Variants in UNC5A observed in about 807,000 individuals in gnomAD.
The protein encoded by UNC5A is unc-5 netrin receptor A.
Under a neutral mutation model 87.4 loss-of-function variants are expected in UNC5A, and 20 were observed. The observed-to-expected ratio is 0.23, with a 90% CI of 0.16 to 0.33. The LOEUF is 0.33. Among genes scored for constraint, UNC5A ranks in the 10% least tolerant of loss-of-function variants. UNC5A has a pLI of 1.00. For missense variants in UNC5A, 844 were observed against 1,133.4 expected, an observed-to-expected ratio of 0.74 and a Z score of 3.67; for synonymous variants, 438 against 482.3, an observed-to-expected ratio of 0.91 and a Z score of 1.20.
At chr5:176,833,260 A>G (rs1463862197) in intron 1 of UNC5A, among the ~76,000 whole-genome samples, 1 of 152,148 alleles carries the variant, frequency 6.6e-6, no homozygotes, top group Non-Finnish European at 1.5e-5. Context: ...CTAGGTAGTG[A>G]GGACAGTGCC....
At chr5:176,834,035 C>T (rs1423994416) in intron 1 of UNC5A, among the ~76,000 whole-genome samples, 1 of 152,286 alleles carries the variant, frequency 6.6e-6, no homozygotes, top group East Asian at 1.9e-4. Context: ...TCTCATTCAT[C>T]AACTTAGGTC....
intron 1 of UNC5A, among the ~76,000 whole-genome samples, chr5:176,833,097 T>C (rs1757065969): frequency 6.6e-6 from 1 of 152,218 alleles, no homozygotes; most frequent in Non-Finnish European, 1.5e-5. Flanking sequence ...CAAGACCCTC[T>C]CAGGCCGAGG....
At position 176,841,933 on chromosome 5, in the gene UNC5A, C is replaced by T. The variant is rs1157602080; in HGVS notation, c.71-20691C>T. 6.6e-6 allele frequency among the ~76,000 whole-genome samples: 1 copy of T among 152,082 alleles called. No individual in the cohort carries two copies. The highest frequency in any genetic ancestry group is 1.5e-5 in the Non-Finnish European group (1 of 68,026). On this transcript the variant is annotated intron_variant, in intron 1 of 14. Coordinates refer to ENST00000329542, the MANE Select transcript of UNC5A (RefSeq NM_133369.3). The surrounding 1 kb of genome is among the most constrained non-coding windows in gnomAD (Gnocchi z 4.1). ...AAAATCAAGGCCGGGTGCGGTGGCT[C>T]ACGCCGGTAATCCCAGCACTTTGGG... is the stretch of plus-strand genomic sequence containing the variant.
Position 176,868,955 on chromosome 5 carries a change from A to T in UNC5A, c.712A>T (p.Ile238Phe), listed in dbSNP as rs1471682310. 1 of 1,604,104 alleles carries T rather than the reference A, an allele frequency of 6.2e-7. No homozygotes were observed. The highest frequency in any genetic ancestry group is 1.7e-5 in the Admixed American group (1 of 59,472). Reference protein sequence around the residue: ...ARRRSASAAVIVYVDGSWSPW... With the variant: ...ARRRSASAAVFVYVDGSWSPW... The stretch of plus-strand genomic sequence containing the variant: ...TCGCCGCAGCGCCTCCGCTGCTGTC[A>T]TCGTCTACGGTGGGCCCCGGGACTC... Residue 238 changes from isoleucine (I) to phenylalanine (F), a missense_variant, in exon 5 of 15, where the codon ATC (isoleucine) becomes TTC (phenylalanine). By Grantham distance (21) the Ile-to-Phe change is conservative. Transcript: ENST00000329542.
At position 176,879,944 on chromosome 5, in the gene UNC5A, C is replaced by G; in HGVS notation, c.*58C>G. 6.4e-7 allele frequency: 1 copy of G among 1,553,572 alleles called. No individual in the cohort carries two copies. The highest frequency in any genetic ancestry group is 8.7e-7 in the Non-Finnish European group (1 of 1,150,864). ...AGCTTTGGCACCCACCAAGGACAGGCAGAAGCCGGACAGGGGCCCTTCCCC... is the reference window on the plus strand; with the variant it reads ...AGCTTTGGCACCCACCAAGGACAGGGAGAAGCCGGACAGGGGCCCTTCCCC... On this transcript the variant is annotated 3_prime_UTR_variant, in exon 15 of 15. Transcript: ENST00000329542.
chr5:176,846,765 G>A (rs1447000215), intron 1 of UNC5A, among the ~76,000 whole-genome samples: 3 of 152,206 alleles, frequency 2.0e-5, no homozygotes, highest in East Asian at 3.9e-4. Flanking sequence ...AGCCGGTGGT[G>A]GGAGAGGCTG....
At chr5:176,870,261 C>T (rs1758077214) in intron 5 of UNC5A, 109 bp from the exon 6 acceptor site, 2 of 1,381,708 alleles carry the variant, frequency 1.4e-6, no homozygotes, top group South Asian at 1.4e-5. Flanking sequence ...CAAATCCAGG[C>T]TGCCTTGCAC....
intron 1 of UNC5A, among the ~76,000 whole-genome samples, chr5:176,830,251 G>C (rs996986679): frequency 6.6e-6 from 1 of 152,202 alleles, no homozygotes; most frequent in Non-Finnish European, 1.5e-5. Flanking sequence ...TCCCTTCCCA[G>C]GAGCTCCCAA....
Position 176,879,500 on chromosome 5 carries a change from A to AGG in UNC5A, c.2363+15_2363+16dup. On this transcript the variant is annotated intron_variant, in intron 14 of 14. Coordinates refer to ENST00000329542, the MANE Select transcript of UNC5A (RefSeq NM_133369.3). ...CTCCACCTGGACAGGTGGGCGGGAGAGGGGCAGAGAGGGCCTGCGCAGGCC... is the reference window on the plus strand; with the variant it reads ...CTCCACCTGGACAGGTGGGCGGGAGAGGGGGGCAGAGAGGGCCTGCGCAGGCC... 1 of 1,587,988 alleles carries AGG rather than the reference A, an allele frequency of 6.3e-7. No homozygotes were observed. Among genetic ancestry groups the AGG allele is most frequent in the Non-Finnish European group, 8.6e-7 (1 of 1,166,570 alleles).
intron 1 of UNC5A, among the ~76,000 whole-genome samples, chr5:176,856,665 C>T: frequency 6.6e-6 from 1 of 152,190 alleles, no homozygotes; most frequent in East Asian, 1.9e-4. Flanking sequence ...GAGGCGACAA[C>T]TTTGCTGACA....
At position 176,866,326 on chromosome 5, in the gene UNC5A, C is replaced by A. The variant is rs1326321870; in HGVS notation, c.293-1804C>A. Among the ~76,000 whole-genome samples, 2 of 152,202 alleles carry A rather than the reference C, an allele frequency of 1.3e-5. No homozygotes were observed. Among genetic ancestry groups the A allele is most frequent in the African/African-American group, 2.4e-5 (1 of 41,450 alleles). The stretch of plus-strand genomic sequence containing the variant: ...GGAGCTTGTGGGGCTGAAGGGCACC[C>A]CTCACCAAGGCACTGCGTGGAGCTG... On this transcript the variant is annotated intron_variant, in intron 2 of 14. Coordinates refer to ENST00000329542, the MANE Select transcript of UNC5A (RefSeq NM_133369.3). The surrounding 1 kb of genome is among the most constrained non-coding windows in gnomAD (Gnocchi z 5.0).
intron 1 of UNC5A, among the ~76,000 whole-genome samples, chr5:176,837,730 C>CT (rs1757180380): frequency 2.0e-5 from 3 of 152,172 alleles, no homozygotes; most frequent in Admixed American, 2.0e-4. Context: ...GCTGGGAACT[C>CT]TGTTTTAGCA....
chr5:176,862,485 G>A, intron 1 of UNC5A, 139 bp from the exon 2 acceptor site: 1 of 830,612 alleles, frequency 1.2e-6, no homozygotes, highest in Non-Finnish European at 2.0e-6. Flanking sequence ...GCCTGAGATT[G>A]CCCAGCTGGG....
intron 2 of UNC5A, chr5:176,864,748 A>G (rs750231685): frequency 2.2e-5 from 10 of 444,996 alleles, no homozygotes; most frequent in Non-Finnish European, 4.5e-5. Flanking sequence ...GCTCTGTGCC[A>G]TGCCTTGGGT....
In UNC5A at chr5:176,871,809, C is replaced by T. The variant is rs562697579; in HGVS notation, c.886+1275C>T. ...TCACATCTGCCCACACTCACCAACA[C>T]CACAGCTTCCCATCTGCCCACACTC... is the stretch of plus-strand genomic sequence containing the variant. On this transcript the variant is annotated intron_variant, in intron 6 of 14. Transcript: ENST00000329542. 6.6e-3 allele frequency among the ~76,000 whole-genome samples: 451 copies of T among 68,496 alleles called. 26 individuals are homozygous for T. The highest frequency in any genetic ancestry group is 0.018 in the African/African-American group (414 of 22,982). The allele number at this position is 68,496 out of a possible 152,430, so 44.9% of individuals were successfully genotyped here.
At chr5:176,829,307 TGG>T (rs1756936625) in intron 1 of UNC5A, among the ~76,000 whole-genome samples, 1 of 8,662 alleles carries the variant, frequency 1.2e-4, no homozygotes, top group Admixed American at 4.1e-3. Context: ...GATGGGTGGA[TGG>T]ATGAATGGAT....
chr5:176,829,131 CAAAAA>C (rs70991572), intron 1 of UNC5A, among the ~76,000 whole-genome samples: 3 of 89,234 alleles, frequency 3.4e-5, no homozygotes, highest in South Asian at 7.4e-4. Flanking sequence ...GACTCCATCT[CAAAAA>C]AAAAAAAAAA....
chr5:176,811,003 C>T (rs536427723), intron 1 of UNC5A, among the ~76,000 whole-genome samples, 183 bp downstream of exon 1: 1 of 152,102 alleles, frequency 6.6e-6, no homozygotes, highest in Admixed American at 6.5e-5. Context: ...CGCGCTCTCC[C>T]GGAAGCCTGG....
intron 1 of UNC5A, among the ~76,000 whole-genome samples, chr5:176,816,894 G>A (rs914149901): frequency 6.6e-6 from 1 of 152,232 alleles, no homozygotes; most frequent in Non-Finnish European, 1.5e-5. Context: ...GAAAAGGCCT[G>A]AGGTGAGCTT....
Sources: allele counts gnomAD v4.1 joint callset (sites outside exome capture counted in the v4.1 genomes callset), GRCh38; gene constraint gnomAD v4.1.1; non-coding constraint Gnocchi (gnomAD v3.1); transcripts MANE v1.5; gene names NCBI Gene and HGNC (gene_info 2026-07-23, HGNC 2026-07-21).